The following CPB1 variants were observed in gnomAD, a reference collection of about 807,000 sequenced individuals.
The protein encoded by CPB1 is carboxypeptidase B1.
Under a neutral mutation model 51.4 loss-of-function variants are expected in CPB1, and 53 were observed. That is an observed-to-expected ratio of 1.03 (90% CI 0.83 to 1.30). The LOEUF is 1.30. Ranked by LOEUF, CPB1 falls within the 50% of genes most tolerant of loss-of-function variation. CPB1 has a pLI of 0.00. For synonymous variants in CPB1, 189 were observed against 186.9 expected, an observed-to-expected ratio of 1.01 and a Z score of -0.09; for missense variants, 494 against 516.2, an observed-to-expected ratio of 0.96 and a Z score of 0.42.
chr3:148,854,627 A>G (rs1409397783), intron 9 of CPB1: 1 of 152,162 alleles, frequency 6.6e-6, no homozygotes, highest in Non-Finnish European at 1.5e-5. Flanking sequence ...AGCACTCTGT[A>G]CCTCCACCCA....
At chr3:148,840,138 AC>A (rs1343084454) in intron 3 of CPB1, among the ~76,000 whole-genome samples, 1 of 152,250 alleles carries the variant, frequency 6.6e-6, no homozygotes, top group African/African-American at 2.4e-5. Flanking sequence ...TTCTTCTTTT[AC>A]CAAGTAAATC....
chr3:148,846,742 TATATATATATATAC>T (rs1713252108), intron 9 of CPB1, among the ~76,000 whole-genome samples: 1 of 11,852 alleles, frequency 8.4e-5, no homozygotes, highest in South Asian at 2.1e-3. Context: ...CAAAAATATA[TATATATATATATAC>T]ATATATATAT....
At position 148,859,838 on chromosome 3, in the gene CPB1, G is replaced by T. The variant is rs200456954; in HGVS notation, c.1090G>T (p.Asp364Tyr). 1.6e-4 allele frequency: 258 copies of T among 1,613,584 alleles called. No individual in the cohort carries two copies. Among genetic ancestry groups the T allele is most frequent in the Middle Eastern group, 6.6e-4 (4 of 6,016 alleles). Residue 364 changes from aspartate to tyrosine, a missense_variant, in exon 11 of 11, where the codon GAC becomes TAC. Coordinates refer to ENST00000282957, the MANE Select transcript of CPB1 (RefSeq NM_001871.3). Reference protein sequence around the residue: ...TIYPAAGGSDDWAYDQGIRYS... With the variant: ...TIYPAAGGSDYWAYDQGIRYS... ...AGATCCTGCTGCTGGGGGCTCTGAC[G>T]ACTGGGCTTATGACCAAGGAATCAG...
chr3:148,840,441 G>A (rs1033262875), intron 3 of CPB1, among the ~76,000 whole-genome samples: 2 of 152,178 alleles, frequency 1.3e-5, no homozygotes, highest in Non-Finnish European at 2.9e-5. Context: ...GGTTTGGGCT[G>A]TGGAAGATCC....
chr3:148,840,873 G>A lies in CPB1; in HGVS notation c.373-1G>A. 1 of 1,614,114 alleles carries A rather than the reference G, an allele frequency of 6.2e-7. No individual in the cohort carries two copies. The highest frequency in any genetic ancestry group is 2.2e-5 in the East Asian group (1 of 44,882). ...GATCTACAAATGATTCCATTTGGTA[G>A]ATAGAGGCTTGGACTCAACAAGTCG... On this transcript the variant is annotated splice_acceptor_variant, in intron 4 of 10. Transcript: ENST00000282957. LOFTEE classifies it high-confidence loss of function.
At position 148,844,582 on chromosome 3, in the gene CPB1, G is replaced by GAC. The variant is rs774014207; in HGVS notation, c.682_683dup (p.Lys229ProfsTer74). 116 of 1,613,578 alleles carry GAC rather than the reference G, an allele frequency of 7.2e-5. 2 individuals are homozygous for GAC. Among genetic ancestry groups the GAC allele is most frequent in the Non-Finnish European group, 4.2e-6 (5 of 1,179,572 alleles). ...ATATTGATGGCTACATCTACACCTG[G>GAC]ACCAAGGTATATGCACCAATACTGA... On this transcript the variant is annotated frameshift_variant, in exon 7 of 11. Coordinates refer to ENST00000282957, the MANE Select transcript of CPB1 (RefSeq NM_001871.3). LOFTEE classifies it high-confidence loss of function.
intron 9 of CPB1, chr3:148,857,145 A>T (rs1288660074): frequency 5.9e-6 from 1 of 169,096 alleles, no homozygotes; most frequent in African/African-American, 2.5e-5. Flanking sequence ...GCAAACAGGT[A>T]AACAACTTCT....
intron 3 of CPB1, among the ~76,000 whole-genome samples, chr3:148,840,341 G>A (rs984755642): frequency 6.6e-6 from 1 of 152,152 alleles, no homozygotes; most frequent in African/African-American, 2.4e-5. Context: ...ATAGTGTTGT[G>A]TGGAAGCCCA....
intron 3 of CPB1, chr3:148,838,442 C>T (rs773745334): frequency 3.3e-5 from 5 of 150,734 alleles, no homozygotes; most frequent in Admixed American, 6.6e-5. Context: ...ATTATGATAT[C>T]GAGACATAAT....
chr3:148,829,453 C>G (rs1712666312), intron 2 of CPB1, among the ~76,000 whole-genome samples: 1 of 152,144 alleles, frequency 6.6e-6, no homozygotes, highest in Non-Finnish European at 1.5e-5. Flanking sequence ...TGTGTTCAGT[C>G]AAAACCATTA....
At position 148,846,797 on chromosome 3, in the gene CPB1, GTATATATATATATA is replaced by G. The variant is rs368201293; in HGVS notation, c.981+1203_981+1216del. ...CACATATATATGTGTGTGTGCGTGT[GTATATATATATATA>G]TATATATATATATATATATATATAT... On this transcript the variant is annotated intron_variant, in intron 9 of 10. Transcript: ENST00000282957. Among the ~76,000 whole-genome samples the G allele has an allele frequency of 2.2e-3, 111 of 50,512 alleles. 4 individuals are homozygous for G. The highest frequency in any genetic ancestry group is 0.026 in the Middle Eastern group (2 of 76). The allele number at this position is 50,512 out of a possible 152,430, so 33.1% of individuals were successfully genotyped here.
At chr3:148,839,922 G>C (rs1397001780) in intron 3 of CPB1, among the ~76,000 whole-genome samples, 4 of 151,520 alleles carry the variant, frequency 2.6e-5, no homozygotes, top group African/African-American at 7.3e-5. Flanking sequence ...AGAAAGGGAA[G>C]TGAAGTCACA....
chr3:148,849,467 C>CT (rs1380999698), intron 9 of CPB1, among the ~76,000 whole-genome samples: 1 of 152,138 alleles, frequency 6.6e-6, no homozygotes, highest in Non-Finnish European at 1.5e-5. Context: ...GAAATTAAAA[C>CT]TGGGAGAAAA....
chr3:148,852,162 GCATTCT>G (rs1278032870), intron 9 of CPB1, among the ~76,000 whole-genome samples: 1 of 152,114 alleles, frequency 6.6e-6, no homozygotes, highest in Admixed American at 6.5e-5. Flanking sequence ...CGAGAAAAAG[GCATTCT>G]CATAGCACCT....
chr3:148,846,777 A>ATG lies in CPB1; in HGVS notation c.981+1152_981+1153insGT, dbSNP rs1559960122. 9.1e-4 allele frequency among the ~76,000 whole-genome samples: 58 copies of ATG among 63,546 alleles called. 2 individuals carry two copies. The highest frequency in any genetic ancestry group is 3.5e-3 in the African/African-American group (56 of 16,014). 41.7% of individuals were successfully genotyped at this position (63,546 alleles called of 152,430 possible). On this transcript the variant is annotated intron_variant, in intron 9 of 10. Transcript: ENST00000282957. ...TATACATATATATATATATACACAT[A>ATG]TATATGTGTGTGTGCGTGTGTATAT...
rs1212233019 is a variant in CPB1 at position 148,848,491 on chromosome 3, T to G, written c.981+2865T>G. Among the ~76,000 whole-genome samples, 3 of 152,134 alleles carry G rather than the reference T, an allele frequency of 2.0e-5. No homozygotes were observed. The East Asian group carries it at 5.8e-4, about 29-fold the overall frequency. ...ATTGGTGTACAAGAGATTTCTATTT[T>G]TCTTTATACCTATAAAATTATTATT... On this transcript the variant is annotated intron_variant, in intron 9 of 10. Transcript: ENST00000282957.
intron 9 of CPB1, among the ~76,000 whole-genome samples, chr3:148,853,946 A>T (rs1713501283): frequency 6.6e-6 from 1 of 152,170 alleles, no homozygotes; most frequent in Admixed American, 6.5e-5. Flanking sequence ...CTGATTTTGA[A>T]TCCACTGAGA....
At chr3:148,828,681 G>C (rs528426145) in intron 2 of CPB1, among the ~76,000 whole-genome samples, 1 of 152,100 alleles carries the variant, frequency 6.6e-6, no homozygotes, top group Non-Finnish European at 1.5e-5. Context: ...TTTAAACTGC[G>C]TATACAATGT....
intron 6 of CPB1, among the ~76,000 whole-genome samples, chr3:148,842,955 T>C (rs1713131100): frequency 6.6e-6 from 1 of 152,174 alleles, no homozygotes. Context: ...AAATTTAATT[T>C]TGAAAAATAA....
Sources: gnomAD v4.1 joint callset for allele counts (sites outside exome capture counted in the v4.1 genomes callset) on GRCh38, gnomAD v4.1.1 for gene constraint, MANE v1.5 for transcripts, NCBI Gene and HGNC (gene_info 2026-07-23, HGNC 2026-07-21) for gene names.